The following POPDC3 variants were observed in gnomAD, a reference collection of about 807,000 sequenced individuals.
The protein encoded by POPDC3 is popeye domain-containing protein 3.
In POPDC3, 20 loss-of-function variants were observed where a neutral mutation model predicts 28.2. The observed-to-expected ratio is 0.71, with a 90% CI of 0.50 to 1.03. The LOEUF is 1.03. Among genes scored for constraint, POPDC3 ranks in the 50% least tolerant of loss-of-function variants. The probability of loss-of-function intolerance (pLI) is 0.00; values close to 1 mark genes in which losing one functional copy is unlikely to be tolerated. For missense variants in POPDC3, 316 were observed against 345.9 expected, an observed-to-expected ratio of 0.91 and a Z score of 0.69; for synonymous variants, 118 against 124.1, an observed-to-expected ratio of 0.95 and a Z score of 0.33.
intron 1 of POPDC3, among the ~76,000 whole-genome samples, chr6:105,167,521 T>C (rs550760043): frequency 6.6e-6 from 1 of 152,132 alleles, no homozygotes; most frequent in East Asian, 1.9e-4. Context: ...CTGAGGAGGA[T>C]GGATCACTTG....
At chr6:105,169,591 A>C (rs900050970) in intron 1 of POPDC3, 2 of 152,190 alleles carry the variant, frequency 1.3e-5, no homozygotes, top group Non-Finnish European at 2.9e-5. Context: ...TGACCCTCAA[A>C]ATACAGCCCA....
intron 1 of POPDC3, among the ~76,000 whole-genome samples, chr6:105,172,941 A>G (rs1376789389): frequency 6.6e-6 from 1 of 151,820 alleles, no homozygotes; most frequent in East Asian, 1.9e-4. Flanking sequence ...GTGCTAAATG[A>G]CGAGTCAATG....
rs935592557 is a variant in POPDC3 at position 105,178,584 on chromosome 6, A to G, written c.-252+1249T>C. ...TGAAGACACACACACACACACACAC[A>G]CACACACACACACACACACACACAC... On this transcript the variant is annotated intron_variant, in intron 1 of 3. Transcript: ENST00000254765. 3.1e-5 allele frequency: 5 copies of G among 162,622 alleles called. No individual in the cohort carries two copies. The South Asian group carries it at 9.6e-4, about 31-fold the overall frequency. The allele number at this position is 162,622 out of a possible 1,614,324, so 10.1% of individuals were successfully genotyped here.
intron 1 of POPDC3, chr6:105,178,902 G>T: frequency 2.0e-6 from 2 of 985,304 alleles, no homozygotes; most frequent in Non-Finnish European, 2.4e-6. Flanking sequence ...AAACTCAATT[G>T]CAGTTTGTAG....
At chr6:105,168,730 G>A (rs529834784) in intron 1 of POPDC3, 16 of 152,300 alleles carry the variant, frequency 1.1e-4, no homozygotes, top group African/African-American at 3.8e-4. Context: ...ATTATGTTAA[G>A]TTATACAGGA....
intron 2 of POPDC3, among the ~76,000 whole-genome samples, chr6:105,161,199 T>C (rs1010136706): frequency 2.0e-5 from 3 of 152,206 alleles, no homozygotes. Context: ...TGTAATTTGA[T>C]TTCTAAGATG....
intron 1 of POPDC3, among the ~76,000 whole-genome samples, chr6:105,166,870 G>T (rs1277018354): frequency 1.9e-4 from 3 of 15,582 alleles, no homozygotes; most frequent in Admixed American, 1.7e-3. Context: ...ATAGATGGTT[G>T]TGTGTGTGTG....
Position 105,158,668 on chromosome 6 carries a change from G to A in POPDC3, c.678C>T (p.Tyr226=), listed in dbSNP as rs977865090. ...KLYLLFAQHR[Y]ISRLFSVLIG... ...TTAGCACTGAAAAAAGGCGGGAGAT[G>A]TAGCGATGCTGAGCAAAGAGCAGAT... Residue 226 remains tyrosine (Y), a synonymous_variant, in exon 4 of 4, where the codon TAC becomes TAT. Transcript: ENST00000254765. 2 of 1,614,080 alleles carry A rather than the reference G, an allele frequency of 1.2e-6. No individual in the cohort carries two copies. Among genetic ancestry groups the A allele is most frequent in the Non-Finnish European group, 1.7e-6 (2 of 1,179,964 alleles).
rs1288726963 is a variant in POPDC3 at position 105,161,738 on chromosome 6, C to T, written c.172G>A (p.Gly58Arg). 6.2e-7 allele frequency: 1 copy of T among 1,614,030 alleles called. No individual in the cohort carries two copies. The highest frequency in any genetic ancestry group is 1.3e-5 in the African/African-American group (1 of 74,930). Residue 58 changes from glycine (G) to arginine (R), a missense_variant, in exon 2 of 4, where the codon GGG (glycine) becomes AGG (arginine). Transcript: ENST00000254765. ...FGLLYVFSLL[G>R]LGFLCSAVWA... ...ACAGCAGAACAGAGAAAACCCAACC[C>T]CAGCAAACTGAAGACATAAAGGAGC...
intron 3 of POPDC3, 40 bp from the exon 4 acceptor site, chr6:105,158,791 A>C: frequency 1.3e-6 from 2 of 1,494,576 alleles, no homozygotes; most frequent in Non-Finnish European, 9.0e-7. Context: ...ATGTGGAAGC[A>C]AGAAAACTTC....
At chr6:105,176,366 G>C (rs991283524) in intron 1 of POPDC3, among the ~76,000 whole-genome samples, 58 of 152,280 alleles carry the variant, frequency 3.8e-4, no homozygotes, top group African/African-American at 1.3e-3. Context: ...AATGTGATGA[G>C]CTGGCCGCCT....
At chr6:105,174,165 G>A (rs878866730) in intron 1 of POPDC3, among the ~76,000 whole-genome samples, 4 of 152,054 alleles carry the variant, frequency 2.6e-5, no homozygotes, top group African/African-American at 9.7e-5. Flanking sequence ...CCTCACCCTC[G>A]AAAGTAACTG....
intron 1 of POPDC3, chr6:105,179,091 C>T: frequency 1.0e-6 from 1 of 985,360 alleles, no homozygotes. Flanking sequence ...TTGGCACTGC[C>T]CCTCTTACTG....
rs1774219962 is a variant in POPDC3, at chr6:105,157,977, C to T, written c.*493G>A. ...CATATTATTATCTCTTGCATTTATT[C>T]TACTTTTTAGTCGCATCAAGTAACT... On this transcript the variant is annotated 3_prime_UTR_variant, in exon 4 of 4. Coordinates refer to ENST00000254765, the MANE Select transcript of POPDC3 (RefSeq NM_022361.5). Among the ~76,000 whole-genome samples the T allele has an allele frequency of 2.6e-5, 4 of 151,052 alleles. No homozygotes were observed. The South Asian group carries it at 8.5e-4, about 32-fold the overall frequency.
At chr6:105,179,525 G>A (rs1380898764) in intron 1 of POPDC3, among the ~76,000 whole-genome samples, 1 of 152,196 alleles carries the variant, frequency 6.6e-6, no homozygotes, top group African/African-American at 2.4e-5. Context: ...GAAGCCTCTA[G>A]GGCATACGAC....
At chr6:105,176,411 C>A (rs578218966) in intron 1 of POPDC3, among the ~76,000 whole-genome samples, 6 of 152,358 alleles carry the variant, frequency 3.9e-5, no homozygotes, top group Admixed American at 3.9e-4. Flanking sequence ...ACAAAAAATA[C>A]ACTGTTGAGT....
chr6:105,165,181 G>A (rs923801269), intron 1 of POPDC3, among the ~76,000 whole-genome samples: 1 of 152,190 alleles, frequency 6.6e-6, no homozygotes, highest in Non-Finnish European at 1.5e-5. Context: ...CAGCTCTCAA[G>A]ACTGTGAATC....
At chr6:105,166,541 A>C (rs1477893159) in intron 1 of POPDC3, 2 of 470,552 alleles carry the variant, frequency 4.3e-6, no homozygotes, top group Non-Finnish European at 8.8e-6. Flanking sequence ...CTTGTTTTTA[A>C]AGAGCCAGAA....
At chr6:105,176,483 AAGACTC>A (rs1436925354) in intron 1 of POPDC3, among the ~76,000 whole-genome samples, 6 of 152,222 alleles carry the variant, frequency 3.9e-5, no homozygotes, top group Admixed American at 2.6e-4. Flanking sequence ...AGTAGGGAGA[AAGACTC>A]AGGCTAATGG....
Sources: allele counts gnomAD v4.1 joint callset (sites outside exome capture counted in the v4.1 genomes callset), GRCh38; gene constraint gnomAD v4.1.1; transcripts MANE v1.5; gene names NCBI Gene and HGNC (gene_info 2026-07-23, HGNC 2026-07-21).